POC1B: variants seen among roughly 807,000 people sequenced by gnomAD.
POC1B encodes POC1 centriolar protein homolog B.
POC1B carries 44 observed loss-of-function variants against 60.6 expected under a neutral mutation model. That is an observed-to-expected ratio of 0.73 (90% CI 0.57 to 0.93). POC1B has a LOEUF of 0.93. Ranked by LOEUF, POC1B falls within the 40% of genes least tolerant of loss-of-function variation. The pLI, the probability that POC1B is intolerant of heterozygous loss-of-function variation, is 0.00. For missense variants in POC1B, 555 were observed against 572.3 expected, an observed-to-expected ratio of 0.97 and a Z score of 0.31; for synonymous variants, 180 against 198.9, an observed-to-expected ratio of 0.90 and a Z score of 0.80.
At chr12:89,454,496 T>C (rs1882176093) in intron 10 of POC1B, among the ~76,000 whole-genome samples, 1 of 152,118 alleles carries the variant, frequency 6.6e-6, no homozygotes, top group Non-Finnish European at 1.5e-5. Context: ...TCACGTCATG[T>C]CCCTCCTCTG....
chr12:89,472,239 A>C lies in POC1B; in HGVS notation c.489T>G (p.Ser163Arg). The C allele has an allele frequency of 6.2e-7, 1 of 1,606,874 alleles. No individual in the cohort carries two copies. Among genetic ancestry groups the C allele is most frequent in the Non-Finnish European group, 8.5e-7 (1 of 1,174,544 alleles). ...SPDGRLIVSC[S>R]EDKTIKIWDT... ...CCCAAATTTTAATAGTTTTATCCTC[A>C]CTACATGACACAATTAGTCTTCCAT... The change falls in exon 5 of 12, where the codon AGT becomes AGG. Residue 163 changes from serine (S) to arginine (R), a missense_variant. By Grantham distance (110) the Ser-to-Arg change is moderately radical (BLOSUM62 -1). Coordinates refer to ENST00000313546, the MANE Select transcript of POC1B (RefSeq NM_172240.3).
intron 11 of POC1B, among the ~76,000 whole-genome samples, chr12:89,423,368 G>A (rs1880624228): frequency 1.3e-5 from 2 of 152,126 alleles, no homozygotes; most frequent in African/African-American, 2.4e-5. Flanking sequence ...GAACTCCTGG[G>A]CTCAAGCAAT....
intron 10 of POC1B, 67 bp from the exon 11 acceptor site, chr12:89,425,446 T>A: frequency 7.9e-7 from 1 of 1,261,788 alleles, no homozygotes; most frequent in Non-Finnish European, 1.1e-6. Flanking sequence ...TATATAAAAG[T>A]TTAAAATATT....
chr12:89,431,670 CA>C (rs1881036874), intron 10 of POC1B, among the ~76,000 whole-genome samples: 1 of 152,136 alleles, frequency 6.6e-6, no homozygotes, highest in African/African-American at 2.4e-5. Context: ...GCCAATTGTT[CA>C]AGCAAAATTA....
At chr12:89,463,918 G>A (rs1282097873) in intron 9 of POC1B, among the ~76,000 whole-genome samples, 1 of 152,132 alleles carries the variant, frequency 6.6e-6, no homozygotes, top group Non-Finnish European at 1.5e-5. Flanking sequence ...CTAGCAAAGG[G>A]GTGGCTTTTG....
intron 10 of POC1B, among the ~76,000 whole-genome samples, chr12:89,444,779 T>G (rs947285225): frequency 2.6e-5 from 4 of 152,094 alleles, no homozygotes; most frequent in African/African-American, 9.7e-5. Context: ...GAGAAAGAAA[T>G]AAAGGGTATT....
At chr12:89,404,072 C>T in the POC1B span, among the ~76,000 whole-genome samples, 113 of 150,898 alleles carry the variant, frequency 7.5e-4, no homozygotes, top group South Asian at 9.4e-3. Context: ...GTGGAGGTTG[C>T]GATAAGCTGA....
chr12:89,428,817 A>G (rs1880895316), intron 10 of POC1B: 1 of 152,144 alleles, frequency 6.6e-6, no homozygotes, highest in Non-Finnish European at 1.5e-5. Flanking sequence ...CGGCCTCCCA[A>G]AGTGCTGGGA....
intron 3 of POC1B, among the ~76,000 whole-genome samples, chr12:89,494,436 A>G (rs1869141182): frequency 1.3e-5 from 2 of 151,818 alleles, no homozygotes; most frequent in Admixed American, 1.3e-4. Context: ...ATCCCTGTAC[A>G]TGCATGTCTC....
At chr12:89,440,701 G>A (rs766688221) in intron 10 of POC1B, among the ~76,000 whole-genome samples, 7 of 152,204 alleles carry the variant, frequency 4.6e-5, no homozygotes, top group Non-Finnish European at 5.9e-5. Context: ...AGCTCCCAGC[G>A]TGAGCAACGC....
chr12:89,434,186 A>G (rs1341374824), intron 10 of POC1B, among the ~76,000 whole-genome samples: 2 of 152,222 alleles, frequency 1.3e-5, no homozygotes, highest in East Asian at 1.9e-4. Context: ...GAAAACATAC[A>G]TCTTTTTCTC....
intron 2 of POC1B, chr12:89,524,782 A>G: frequency 1.6e-6 from 1 of 624,840 alleles, no homozygotes; most frequent in Non-Finnish European, 2.8e-6. Context: ...TCGGCTCACA[A>G]CTTTTCACAA....
At chr12:89,439,462 G>C (rs142366883) in intron 10 of POC1B, among the ~76,000 whole-genome samples, 1 of 152,202 alleles carries the variant, frequency 6.6e-6, no homozygotes, top group African/African-American at 2.4e-5. Context: ...AAATCACCTG[G>C]GGATCTTATT....
intron 2 of POC1B, chr12:89,524,219 A>T: frequency 6.2e-7 from 1 of 1,613,904 alleles, no homozygotes; most frequent in Non-Finnish European, 8.5e-7. Context: ...CGATGCAGGG[A>T]AATCCTGTCA....
intron 10 of POC1B, among the ~76,000 whole-genome samples, chr12:89,441,736 C>T (rs536830990): frequency 2.7e-4 from 41 of 152,298 alleles, no homozygotes; most frequent in Admixed American, 2.3e-3. Context: ...CGCAGCTCCT[C>T]GCCAGCAACG....
intron 11 of POC1B, among the ~76,000 whole-genome samples, chr12:89,424,343 C>G (rs1166601940): frequency 6.6e-6 from 1 of 152,192 alleles, no homozygotes; most frequent in Non-Finnish European, 1.5e-5. Flanking sequence ...TTTAGCTGCT[C>G]TAATGATTAT....
chr12:89,524,811 C>T, intron 2 of POC1B: 1 of 615,906 alleles, frequency 1.6e-6, no homozygotes, highest in Non-Finnish European at 2.8e-6. Context: ...GCCAACACCC[C>T]ACCCTCCCCG....
At chr12:89,471,850 C>A (rs1411159030) in intron 5 of POC1B, 121 bp from the exon 6 acceptor site, 1 of 618,678 alleles carries the variant, frequency 1.6e-6, no homozygotes, top group Non-Finnish European at 2.7e-6. Flanking sequence ...TCACCGCAAC[C>A]TCCGCCTCCT....
intron 4 of POC1B, chr12:89,472,681 C>T (rs772123394): frequency 2.4e-4 from 37 of 154,142 alleles, no homozygotes; most frequent in Admixed American, 1.0e-3. Context: ...ATTACTCATC[C>T]GACCAAGCTT....
Sources: gnomAD v4.1 joint callset for allele counts (sites outside exome capture counted in the v4.1 genomes callset) on GRCh38, gnomAD v4.1.1 for gene constraint, MANE v1.5 for transcripts, NCBI Gene and HGNC (gene_info 2026-07-23, HGNC 2026-07-21) for gene names.